FER: variants seen among roughly 807,000 people sequenced by gnomAD.
The protein encoded by FER is tyrosine-protein kinase Fer.
FER carries 63 observed loss-of-function variants against 111.0 expected under a neutral mutation model. That is an observed-to-expected ratio of 0.57 (90% CI 0.46 to 0.70). FER has a LOEUF of 0.70. Ranked by LOEUF, FER falls within the 30% of genes least tolerant of loss-of-function variation. The pLI is 0.00. For synonymous variants in FER, 327 were observed against 313.9 expected (o/e 1.04, Z -0.44); for missense variants, 914 against 954.0 (o/e 0.96, Z 0.55).
chr5:109,168,818 G>A (rs1582362170), intron 17 of FER, among the ~76,000 whole-genome samples: 1 of 152,158 alleles, frequency 6.6e-6, no homozygotes, highest in East Asian at 1.9e-4. Context: ...GCTGTACACT[G>A]TTGCTGAATG....
intron 13 of FER, among the ~76,000 whole-genome samples, chr5:109,022,988 G>A (rs1049709913): frequency 4.6e-5 from 7 of 151,998 alleles, no homozygotes; most frequent in South Asian, 4.2e-4. Context: ...GAGAATAGCA[G>A]GTTCTTAATT....
chr5:108,784,864 G>A (rs574105441), intron 2 of FER: 1 of 155,888 alleles, frequency 6.4e-6, no homozygotes, highest in African/African-American at 2.4e-5. Context: ...GGTGGGCCAG[G>A]TGTTTCTTGC....
intron 1 of FER, among the ~76,000 whole-genome samples, chr5:108,759,090 C>G (rs1394867354): frequency 1.3e-5 from 2 of 152,168 alleles, no homozygotes; most frequent in Non-Finnish European, 2.9e-5. Flanking sequence ...GTCTTAGGGT[C>G]TAGCAACTTG....
intron 3 of FER, among the ~76,000 whole-genome samples, chr5:108,829,267 T>C (rs1759790347): frequency 6.6e-6 from 1 of 152,214 alleles, no homozygotes; most frequent in South Asian, 2.1e-4. Context: ...CTATTTCTGT[T>C]ATTTTTTCAG....
At chr5:109,178,575 A>G (rs987705954) in intron 17 of FER, among the ~76,000 whole-genome samples, 3 of 152,222 alleles carry the variant, frequency 2.0e-5, no homozygotes, top group East Asian at 1.9e-4. Context: ...GGAGGTGCAT[A>G]CTATATTGCC....
chr5:108,833,086 A>C, intron 4 of FER, 143 bp downstream of exon 4: 1 of 627,386 alleles, frequency 1.6e-6, no homozygotes, highest in Non-Finnish European at 2.6e-6. Flanking sequence ...GTAATATCTT[A>C]TTGAACATAA....
intron 17 of FER, among the ~76,000 whole-genome samples, chr5:109,161,748 A>G (rs1036986182): frequency 6.6e-6 from 1 of 152,078 alleles, no homozygotes; most frequent in African/African-American, 2.4e-5. Context: ...TCCTTTGGGT[A>G]TATGCCCATT....
At chr5:109,042,626 G>T (rs1771339355) in intron 14 of FER, among the ~76,000 whole-genome samples, 1 of 152,082 alleles carries the variant, frequency 6.6e-6, no homozygotes, top group African/African-American at 2.4e-5. Context: ...AAATAGGGCA[G>T]AAACCATTAG....
chr5:109,064,489 C>T (rs1774841728), intron 16 of FER, among the ~76,000 whole-genome samples: 1 of 152,102 alleles, frequency 6.6e-6, no homozygotes, highest in East Asian at 1.9e-4. Context: ...TACTCTGTCA[C>T]CTCTTTGAGT....
intron 5 of FER, among the ~76,000 whole-genome samples, chr5:108,865,790 C>G (rs1295694566): frequency 1.3e-5 from 2 of 152,150 alleles, no homozygotes; most frequent in Non-Finnish European, 2.9e-5. Context: ...TGAACAGACA[C>G]TTCTCAAAAG....
chr5:109,152,059 A>G (rs1754911482), intron 17 of FER, among the ~76,000 whole-genome samples: 1 of 152,110 alleles, frequency 6.6e-6, no homozygotes, highest in South Asian at 2.1e-4. Context: ...TAATATCTCC[A>G]TTTGAGTTTA....
chr5:108,980,664 T>A (rs1286784619), intron 13 of FER, among the ~76,000 whole-genome samples: 1 of 152,134 alleles, frequency 6.6e-6, no homozygotes, highest in Admixed American at 6.6e-5. Context: ...GAAGTCATAA[T>A]GAAGAAACAG....
intron 17 of FER, among the ~76,000 whole-genome samples, chr5:109,110,208 A>G (rs1455598680): frequency 1.3e-5 from 2 of 152,200 alleles, no homozygotes; most frequent in Non-Finnish European, 2.9e-5. Context: ...AACTTTAGTA[A>G]TTGGGGAAAG....
intron 10 of FER, among the ~76,000 whole-genome samples, chr5:108,938,858 T>C (rs1755876928): frequency 6.6e-6 from 1 of 151,948 alleles, no homozygotes; most frequent in South Asian, 2.1e-4. Flanking sequence ...TGATGTAGAG[T>C]GGACAAAAAT....
chr5:108,926,692 G>GCTCAGTCAGATGTTA (rs1753785625), intron 10 of FER, among the ~76,000 whole-genome samples: 1 of 152,114 alleles, frequency 6.6e-6, no homozygotes, highest in Non-Finnish European at 1.5e-5. Context: ...TTGTCAGTCT[G>GCTCAGTCAGATGTTA]CTCAGTCAGA....
At chr5:108,941,054 C>T (rs1756196959) in intron 10 of FER, among the ~76,000 whole-genome samples, 1 of 151,922 alleles carries the variant, frequency 6.6e-6, no homozygotes, top group Admixed American at 6.6e-5. Flanking sequence ...TCTCTCCCAC[C>T]CGAGAGGCTG....
At chr5:108,884,335 C>G (rs1561560221) in intron 9 of FER, among the ~76,000 whole-genome samples, 1 of 151,724 alleles carries the variant, frequency 6.6e-6, no homozygotes, top group East Asian at 1.9e-4. Flanking sequence ...TTACTTATCT[C>G]CCTCATCATA....
intron 17 of FER, among the ~76,000 whole-genome samples, chr5:109,100,933 G>A (rs548397055): frequency 6.6e-6 from 1 of 151,710 alleles, no homozygotes; most frequent in African/African-American, 2.4e-5. Context: ...TCATAACAGT[G>A]AATTTGGTCA....
intron 13 of FER, among the ~76,000 whole-genome samples, chr5:109,011,233 C>T (rs530997120): frequency 1.3e-5 from 2 of 152,000 alleles, no homozygotes; most frequent in East Asian, 3.9e-4. Flanking sequence ...GGACAAAGAA[C>T]AGAATTCAGT....
Sources: allele counts gnomAD v4.1 joint callset (sites outside exome capture counted in the v4.1 genomes callset), GRCh38; gene constraint gnomAD v4.1.1; transcripts MANE v1.5; gene names NCBI Gene and HGNC (gene_info 2026-07-23, HGNC 2026-07-21).